The following MAP3K13 variants were observed in gnomAD, a reference collection of about 807,000 sequenced individuals.
The protein encoded by MAP3K13 is mitogen-activated protein kinase kinase kinase 13, also known as leucine zipper-bearing kinase.
A neutral mutation model predicts 104.0 loss-of-function variants in MAP3K13; 52 were observed. That is an observed-to-expected ratio of 0.50 (90% CI 0.40 to 0.63). The LOEUF is 0.63. Among genes scored for constraint, MAP3K13 ranks in the 20% least tolerant of loss-of-function variants. The pLI is 0.00. For missense variants in MAP3K13, 914 were observed against 1,218.5 expected (o/e 0.75, Z 3.72); for synonymous variants, 394 against 442.2 (o/e 0.89, Z 1.37).
intron 2 of MAP3K13, among the ~76,000 whole-genome samples, chr3:185,291,340 G>A (rs1720729987): frequency 6.6e-6 from 1 of 152,104 alleles, no homozygotes; most frequent in Non-Finnish European, 1.5e-5. Flanking sequence ...CAGCCCCAGG[G>A]AGATTCTGTA....
chr3:185,397,013 C>T (rs1560084251), intron 1 of MAP3K13, among the ~76,000 whole-genome samples: 1 of 148,416 alleles, frequency 6.7e-6, no homozygotes, highest in East Asian at 2.0e-4. Flanking sequence ...CATTTCATCC[C>T]CTGCTTTTCG....
chr3:185,294,164 TTCTC>T (rs920568036), intron 2 of MAP3K13, among the ~76,000 whole-genome samples: 3 of 152,200 alleles, frequency 2.0e-5, no homozygotes, highest in African/African-American at 7.2e-5. Flanking sequence ...TTTCTTTTCT[TTCTC>T]TGAGTAACTA....
At chr3:185,447,239 G>A (rs1005233288) in intron 4 of MAP3K13, among the ~76,000 whole-genome samples, 5 of 152,034 alleles carry the variant, frequency 3.3e-5, no homozygotes, top group Admixed American at 1.3e-4. Flanking sequence ...GCCTGTAATC[G>A]CAGCACTTTG....
chr3:185,437,194 A>G (rs1715088677), intron 2 of MAP3K13, among the ~76,000 whole-genome samples: 1 of 151,902 alleles, frequency 6.6e-6, no homozygotes, highest in African/African-American at 2.4e-5. Context: ...GTGGTAGGAT[A>G]TGTTTTATTT....
chr3:185,428,033 C>G (rs1219746136), intron 1 of MAP3K13, among the ~76,000 whole-genome samples: 1 of 150,946 alleles, frequency 6.6e-6, no homozygotes, highest in East Asian at 1.9e-4. Context: ...GAGCCGAGAT[C>G]GCGCCATTGC....
At chr3:185,340,134 A>G (rs975320183) in intron 2 of MAP3K13, among the ~76,000 whole-genome samples, 1 of 152,220 alleles carries the variant, frequency 6.6e-6, no homozygotes, top group African/African-American at 2.4e-5. Context: ...ATGAATGTAT[A>G]GCATTGTCAG....
At chr3:185,331,797 A>G (rs954730717) in intron 2 of MAP3K13, among the ~76,000 whole-genome samples, 2 of 152,180 alleles carry the variant, frequency 1.3e-5, no homozygotes, top group Non-Finnish European at 2.9e-5. Flanking sequence ...TTATTTTTCC[A>G]TGTATCTTTC....
At chr3:185,295,450 AC>A (rs1236270998) in intron 2 of MAP3K13, among the ~76,000 whole-genome samples, 2 of 152,108 alleles carry the variant, frequency 1.3e-5, no homozygotes, top group African/African-American at 4.8e-5. Flanking sequence ...TGATCCACCC[AC>A]CTGGGCCTCC....
intron 1 of MAP3K13, among the ~76,000 whole-genome samples, chr3:185,398,742 C>T (rs1165526711): frequency 6.6e-6 from 1 of 152,220 alleles, no homozygotes; most frequent in African/African-American, 2.4e-5. Context: ...CCTTCTTATA[C>T]GTATGCACTC....
chr3:185,405,908 C>T (rs953394684), intron 1 of MAP3K13, among the ~76,000 whole-genome samples: 3 of 152,308 alleles, frequency 2.0e-5, no homozygotes, highest in East Asian at 3.9e-4. Context: ...TACATGTTTA[C>T]TGAGTGAGGG....
At chr3:185,455,597 T>TATATGAC (rs1290100897) in intron 7 of MAP3K13, among the ~76,000 whole-genome samples, 331 of 4,650 alleles carry the variant, frequency 0.071, 26 homozygotes, top group African/African-American at 0.11. Flanking sequence ...ATATATGAGA[T>TATATGAC]ATATATATCA....
At chr3:185,471,190 G>A (rs1400622156) in intron 10 of MAP3K13, among the ~76,000 whole-genome samples, 1 of 151,838 alleles carries the variant, frequency 6.6e-6, no homozygotes. Flanking sequence ...CTAATGTTTT[G>A]GCTAACTTTC....
At chr3:185,358,914 C>G (rs1371422859), upstream of MAP3K13, among the ~76,000 whole-genome samples, 1 of 152,108 alleles carries the variant, frequency 6.6e-6, no homozygotes, top group Admixed American at 6.5e-5. Context: ...TGAAGGTTCC[C>G]CTGATCTGTT....
chr3:185,326,796 G>T (rs544075210), intron 2 of MAP3K13, among the ~76,000 whole-genome samples: 1 of 152,198 alleles, frequency 6.6e-6, no homozygotes, highest in Non-Finnish European at 1.5e-5. Flanking sequence ...ACTAAGTTAA[G>T]AGTATAATGC....
chr3:185,339,304 G>A (rs1722632048), intron 2 of MAP3K13, among the ~76,000 whole-genome samples: 1 of 152,254 alleles, frequency 6.6e-6, no homozygotes, highest in South Asian at 2.1e-4. Context: ...GGGTGACAGA[G>A]CGAGACTCTG....
In MAP3K13 at chr3:185,454,607, A is replaced by ATG. The variant is rs1387911346; in HGVS notation, c.1278+3213_1278+3214insGT. 2.4e-3 allele frequency among the ~76,000 whole-genome samples: 175 copies of ATG among 72,834 alleles called. 2 individuals carry two copies. The highest frequency in any genetic ancestry group is 7.4e-3 in the South Asian group (16 of 2,160). The allele number at this position is 72,834 out of a possible 152,430, so 47.8% of individuals were successfully genotyped here. On this transcript the variant is annotated intron_variant, in intron 7 of 13. Transcript: ENST00000265026. ...TATGATATATAGATATATATGAGAT[A>ATG]TATATGATATATATATGAGATATAT...
intron 1 of MAP3K13, among the ~76,000 whole-genome samples, chr3:185,406,455 AAG>A (rs1713119058): frequency 6.6e-6 from 1 of 152,244 alleles, no homozygotes; most frequent in Non-Finnish European, 1.5e-5. Context: ...GTAAGAAAGA[AAG>A]AGGGAATAAA....
chr3:185,463,871 C>A (rs1243427621), intron 8 of MAP3K13, among the ~76,000 whole-genome samples: 1 of 152,204 alleles, frequency 6.6e-6, no homozygotes, highest in African/African-American at 2.4e-5. Flanking sequence ...TTTATTAGGT[C>A]TCTGCAACAA....
chr3:185,472,170 T>C (rs1177979556), intron 10 of MAP3K13, among the ~76,000 whole-genome samples: 1 of 151,696 alleles, frequency 6.6e-6, no homozygotes, highest in African/African-American at 2.4e-5. Context: ...TCTGCTCCTG[T>C]GGGCTTCGTC....
Sources: allele counts gnomAD v4.1 joint callset (sites outside exome capture counted in the v4.1 genomes callset), GRCh38; gene constraint gnomAD v4.1.1; transcripts MANE v1.5; gene names NCBI Gene and HGNC (gene_info 2026-07-23, HGNC 2026-07-21).